Variants in ZNF385D observed in about 807,000 individuals in gnomAD.
ZNF385D encodes zinc finger protein 385D, also known as zinc finger protein 659.
A neutral mutation model predicts 35.8 loss-of-function variants in ZNF385D; 15 were observed. The observed-to-expected ratio is 0.42, with a 90% CI of 0.28 to 0.64. The LOEUF is 0.64. Among genes scored for constraint, ZNF385D ranks in the 30% least tolerant of loss-of-function variants. The pLI is 0.23. For missense variants in ZNF385D, 474 were observed against 494.6 expected (o/e 0.96, Z 0.39); for synonymous variants, 212 against 186.8 (o/e 1.13, Z -1.10).
chr3:21,857,320 T>C (rs942917710), intron 3 of ZNF385D, among the ~76,000 whole-genome samples: 6 of 152,128 alleles, frequency 3.9e-5, no homozygotes, highest in Admixed American at 3.3e-4. Context: ...CAAGGTTTCT[T>C]GATGTTTTGC....
At position 21,730,604 on chromosome 3, in the gene ZNF385D, C is replaced by T. The variant is rs561053559; in HGVS notation, c.22+20291G>A. On this transcript the variant is annotated intron_variant, in intron 1 of 7. Coordinates refer to ENST00000281523, the MANE Select transcript of ZNF385D (RefSeq NM_024697.3). ...CAGTGAACAAAGGAGATCTAAACCC[C>T]TGACCCAGGGGCACATTCTATCTGC... 2.6e-5 allele frequency among the ~76,000 whole-genome samples: 4 copies of T among 152,332 alleles called. No individual in the cohort carries two copies. In the South Asian group the frequency reaches 6.2e-4, roughly 24 times the overall value.
intron 3 of ZNF385D, among the ~76,000 whole-genome samples, chr3:21,780,929 G>A (rs1308705774): frequency 2.0e-5 from 3 of 152,006 alleles, no homozygotes; most frequent in African/African-American, 7.2e-5. Flanking sequence ...ATGTGGGCAG[G>A]TGTCTTCATA....
intron 2 of ZNF385D, among the ~76,000 whole-genome samples, chr3:21,653,013 A>C (rs1227603024): frequency 6.6e-6 from 1 of 152,102 alleles, no homozygotes; most frequent in Non-Finnish European, 1.5e-5. Context: ...ACCACCTGCA[A>C]ATAAGGACTT....
chr3:22,190,184 A>G (rs1480308997), intron 2 of ZNF385D, among the ~76,000 whole-genome samples: 1 of 152,168 alleles, frequency 6.6e-6, no homozygotes, highest in African/African-American at 2.4e-5. Flanking sequence ...GTGGGCAAAT[A>G]TATTAATAAT....
intron 1 of ZNF385D, among the ~76,000 whole-genome samples, chr3:21,670,283 T>C (rs919327497): frequency 1.1e-4 from 16 of 151,744 alleles, no homozygotes; most frequent in African/African-American, 3.4e-4. Context: ...TATGCACTTA[T>C]TTATATTGAC....
chr3:22,129,173 T>C (rs1473491449), intron 3 of ZNF385D, among the ~76,000 whole-genome samples: 2 of 152,126 alleles, frequency 1.3e-5, no homozygotes, highest in Non-Finnish European at 2.9e-5. Flanking sequence ...TTCCTTACTT[T>C]TCCCCAAACA....
intron 4 of ZNF385D, among the ~76,000 whole-genome samples, chr3:21,497,152 C>T (rs1705964190): frequency 6.6e-6 from 1 of 152,068 alleles, no homozygotes; most frequent in Non-Finnish European, 1.5e-5. Context: ...TAGAAAACCC[C>T]ATAGTCTCTG....
intron 2 of ZNF385D, among the ~76,000 whole-genome samples, chr3:22,203,877 G>A (rs1378379352): frequency 6.6e-6 from 1 of 152,144 alleles, no homozygotes; most frequent in Non-Finnish European, 1.5e-5. Context: ...GCTTCTGGAT[G>A]GCATCTCTGG....
At chr3:21,597,413 C>T (rs2064157567) in intron 2 of ZNF385D, among the ~76,000 whole-genome samples, 1 of 151,862 alleles carries the variant, frequency 6.6e-6, no homozygotes, top group Admixed American at 6.6e-5. Flanking sequence ...ATGATCTCTA[C>T]TTCCACAAAA....
At position 21,595,652 on chromosome 3, in the gene ZNF385D, C is replaced by G. The variant is rs376030616; in HGVS notation, c.166-30968G>C. Among the ~76,000 whole-genome samples, 6 of 152,110 alleles carry G rather than the reference C, an allele frequency of 3.9e-5. No homozygotes were observed. In the South Asian group the frequency reaches 6.2e-4, roughly 16 times the overall value. On this transcript the variant is annotated intron_variant, in intron 2 of 7. Coordinates refer to ENST00000281523, the MANE Select transcript of ZNF385D (RefSeq NM_024697.3). Reference sequence around the variant, plus strand: ...ATTTTTTAATTTTTCTCTTCTATCCCAGGACTCCATGTTCAATGTGATCTA... The same window carrying G: ...ATTTTTTAATTTTTCTCTTCTATCCGAGGACTCCATGTTCAATGTGATCTA...
intron 2 of ZNF385D, among the ~76,000 whole-genome samples, chr3:21,596,930 C>G (rs1040175338): frequency 5.9e-5 from 9 of 152,128 alleles, no homozygotes; most frequent in Admixed American, 3.9e-4. Flanking sequence ...TCTCCCTTCA[C>G]TTTCAGGCCT....
At chr3:21,474,690 T>C (rs981157376) in intron 4 of ZNF385D, among the ~76,000 whole-genome samples, 2 of 152,160 alleles carry the variant, frequency 1.3e-5, no homozygotes, top group Non-Finnish European at 2.9e-5. Context: ...AATAATAATT[T>C]TGGATACTTA....
intron 2 of ZNF385D, among the ~76,000 whole-genome samples, chr3:21,584,725 CTCT>C (rs2063761972): frequency 1.3e-5 from 2 of 151,756 alleles, no homozygotes; most frequent in Admixed American, 1.3e-4. Flanking sequence ...ACAAATTTTC[CTCT>C]TCTTAGTCAT....
At chr3:22,215,160 T>C (rs1308846704) in intron 2 of ZNF385D, among the ~76,000 whole-genome samples, 1 of 151,910 alleles carries the variant, frequency 6.6e-6, no homozygotes, top group Admixed American at 6.6e-5. Flanking sequence ...TTCCCCAATA[T>C]CTGGCGCCCA....
At chr3:22,345,402 G>C (rs1294363848) in intron 2 of ZNF385D, among the ~76,000 whole-genome samples, 2 of 152,098 alleles carry the variant, frequency 1.3e-5, no homozygotes, top group Admixed American at 6.5e-5. Context: ...CAAACATAAA[G>C]TAAAATCCTG....
chr3:22,083,955 A>G (rs9871873), intron 3 of ZNF385D, among the ~76,000 whole-genome samples: 3,358 of 152,324 alleles, frequency 0.022, 115 homozygotes, highest in African/African-American at 0.075. Context: ...AGAATTTTCA[A>G]CCCATAATTT....
chr3:22,296,551 TGAAAG>T (rs989581063), intron 2 of ZNF385D, among the ~76,000 whole-genome samples: 1 of 152,078 alleles, frequency 6.6e-6, no homozygotes, highest in African/African-American at 2.4e-5. Context: ...TTGGCACCTA[TGAAAG>T]GAAAGGAGGT....
chr3:21,823,702 C>T (rs1264435241), intron 3 of ZNF385D, among the ~76,000 whole-genome samples: 4 of 152,124 alleles, frequency 2.6e-5, no homozygotes, highest in Admixed American at 2.0e-4. Flanking sequence ...GAGCAGAAAA[C>T]TCCTTAACCA....
chr3:22,325,435 T>C (rs917424474), intron 2 of ZNF385D, among the ~76,000 whole-genome samples: 4 of 152,202 alleles, frequency 2.6e-5, no homozygotes, highest in African/African-American at 9.7e-5. Context: ...AACTGTATAA[T>C]ACATTCTTAC....
Sources: allele counts gnomAD v4.1 joint callset (sites outside exome capture counted in the v4.1 genomes callset), GRCh38; gene constraint gnomAD v4.1.1; transcripts MANE v1.5; gene names NCBI Gene and HGNC (gene_info 2026-07-23, HGNC 2026-07-21).